Variants in HMCN2 observed in about 807,000 individuals in gnomAD.
The protein encoded by HMCN2 is hemicentin-2.
A neutral mutation model predicts 377.5 loss-of-function variants in HMCN2; 325 were observed. The ratio of observed to expected loss-of-function variants is 0.86; its 90% CI spans 0.79 to 0.94. The LOEUF (loss-of-function observed/expected upper bound fraction) is 0.94. Among genes scored for constraint, HMCN2 ranks in the 40% least tolerant of loss-of-function variants. The pLI is 0.00. For missense variants in HMCN2, 4,543 were observed against 4,725.3 expected, an observed-to-expected ratio of 0.96 and a Z score of 1.13; for synonymous variants, 2,007 against 2,046.8, an observed-to-expected ratio of 0.98 and a Z score of 0.53.
Position 130,429,676 on chromosome 9 carries a change from C to T in HMCN2, c.14317C>T (p.Pro4773Ser). 1 of 1,532,898 alleles carries T rather than the reference C, an allele frequency of 6.5e-7. No homozygotes were observed. The highest frequency in any genetic ancestry group is 8.8e-7 in the Non-Finnish European group (1 of 1,136,636). The allele number at this position is 1,532,898 out of a possible 1,614,324, so 95.0% of individuals were successfully genotyped here. Reference protein sequence around the residue: ...RGYRMQGPSLPCLDVNECLQL... With the variant: ...RGYRMQGPSLSCLDVNECLQL... Reference sequence around the variant, plus strand: ...TTACCGGATGCAGGGCCCCAGCCTGCCCTGCCTAGGTACGGGGACACCCAC... The same window carrying T: ...TTACCGGATGCAGGGCCCCAGCCTGTCCTGCCTAGGTACGGGGACACCCAC... The change falls in exon 94 of 98, where the codon CCC becomes TCC. Residue 4773 changes from proline (P) to serine (S), a missense_variant. This residue lies in a region of HMCN2 where 1,155 missense variants were observed against 1,157.7 expected (regional missense o/e 1.00). Transcript: ENST00000683500.
At chr9:130,399,916 C>T (rs543042291) in intron 76 of HMCN2, among the ~76,000 whole-genome samples, 1 of 152,278 alleles carries the variant, frequency 6.6e-6, no homozygotes, top group African/African-American at 2.4e-5. Context: ...ATCCCTCCCT[C>T]CACAGCTGCC....
chr9:130,357,843 C>T lies in HMCN2; in HGVS notation c.5435C>T (p.Ser1812Leu), dbSNP rs986486854. The T allele has an allele frequency of 1.5e-5, 20 of 1,302,574 alleles. No homozygotes were observed. The highest frequency in any genetic ancestry group is 2.0e-5 in the Non-Finnish European group (20 of 988,030). The allele number at this position is 1,302,574 out of a possible 1,614,324, so 80.7% of individuals were successfully genotyped here. A position where few individuals can be genotyped will look rare whatever the true frequency, so the allele number is the denominator to read the frequency against. The change falls in exon 35 of 98, where the codon TCG becomes TTG. Residue 1812 changes from serine (S) to leucine (L), a missense_variant. Coordinates refer to ENST00000683500, the MANE Select transcript of HMCN2 (RefSeq NM_001291815.2). ...EVEVSVHEFP[S>L]VSIIGGENIT... ...CTCTTTCCCTTCCCAGAGTTCCCAT[C>T]GGTCAGTATCATTGGGGGTGAGAAC...
Position 130,307,574 on chromosome 9 carries a change from G to T in HMCN2, c.2200+8G>T, listed in dbSNP as rs1554937322. 2.1e-6 allele frequency: 1 copy of T among 471,148 alleles called. No individual in the cohort carries two copies. The highest frequency in any genetic ancestry group is 2.0e-5 in the African/African-American group (1 of 50,188). 29.2% of individuals were successfully genotyped at this position (471,148 alleles called of 1,614,324 possible). A position where few individuals can be genotyped will look rare whatever the true frequency, so the allele number is the denominator to read the frequency against. ...GAGTCATCTGGTATCGAGGTGTGTTGGTGGGGAGGGGCCCTGAAGGAACAG... is the reference window on the plus strand; with the variant it reads ...GAGTCATCTGGTATCGAGGTGTGTTTGTGGGGAGGGGCCCTGAAGGAACAG... On this transcript the variant is annotated splice_region_variant and intron_variant, in intron 14 of 97. Transcript: ENST00000683500.
At chr9:130,411,598 CAAAAAAAAA>C (rs35719589) in intron 85 of HMCN2, among the ~76,000 whole-genome samples, 2 of 97,780 alleles carry the variant, frequency 2.0e-5, no homozygotes, top group Admixed American at 2.4e-4. Flanking sequence ...GACTCAATCT[CAAAAAAAAA>C]AAAAAAAAAA....
rs181606006 is a variant in HMCN2, at chr9:130,349,299, G to A, written c.4303+168G>A. Among the ~76,000 whole-genome samples the A allele has an allele frequency of 2.0e-5, 3 of 152,330 alleles. No homozygotes were observed. In the East Asian group the frequency reaches 5.8e-4, roughly 29 times the overall value. On this transcript the variant is annotated intron_variant, in intron 28 of 97. Transcript: ENST00000683500. ...CCTCACAGAGCTATCAGGCTTGGGG[G>A]ACAGACATCAGACAGGTGAATAGCA... is the stretch of plus-strand genomic sequence containing the variant.
chr9:130,429,571 C>T lies in HMCN2; in HGVS notation c.14212C>T (p.Leu4738=), dbSNP rs768106741. 1.1e-5 allele frequency: 17 copies of T among 1,550,350 alleles called. No homozygotes were observed. In the East Asian group the frequency reaches 2.4e-4, roughly 22 times the overall value. The change falls in exon 94 of 98, where the codon CTG becomes TTG. Residue 4738 remains leucine, a synonymous_variant. Transcript: ENST00000683500. ...GAGCEDVDEC[L]EGLDDCHYNQ... ...CTGCCTCCCAGATGTGGACGAATGCCTGGAGGGGTTGGACGACTGTCACTA... is the reference window on the plus strand; with the variant it reads ...CTGCCTCCCAGATGTGGACGAATGCTTGGAGGGGTTGGACGACTGTCACTA...
chr9:130,327,009 G>A (rs1838169024), intron 21 of HMCN2, among the ~76,000 whole-genome samples: 1 of 151,230 alleles, frequency 6.6e-6, no homozygotes, highest in Non-Finnish European at 1.5e-5. Context: ...GGGACAGCAG[G>A]ATGAAGAGAA....
At chr9:130,348,018 A>G (rs1388469729) in intron 26 of HMCN2, 3 of 985,250 alleles carry the variant, frequency 3.0e-6, no homozygotes, top group African/African-American at 1.7e-5. Flanking sequence ...AGAGGAAAGG[A>G]ACCCCTCCTT....
At position 130,406,185 on chromosome 9, in the gene HMCN2, C is replaced by T. The variant is rs1843084473; in HGVS notation, c.12553+17C>T. The T allele has an allele frequency of 2.3e-6, 3 of 1,289,338 alleles. No individual in the cohort carries two copies. The highest frequency in any genetic ancestry group is 2.5e-5 in the South Asian group (2 of 81,002). The allele number at this position is 1,289,338 out of a possible 1,614,324, so 79.9% of individuals were successfully genotyped here. On this transcript the variant is annotated intron_variant, in intron 82 of 97. Coordinates refer to ENST00000683500, the MANE Select transcript of HMCN2 (RefSeq NM_001291815.2). Reference sequence around the variant, plus strand: ...CAGTCACAGGTCTGGGTCTGCTGGGCATGGGTGGGACAGAGAGCCAGGACA... The same window carrying T: ...CAGTCACAGGTCTGGGTCTGCTGGGTATGGGTGGGACAGAGAGCCAGGACA...
chr9:130,382,983 C>A, intron 56 of HMCN2, 117 bp downstream of exon 56: 3 of 587,828 alleles, frequency 5.1e-6, no homozygotes, highest in Non-Finnish European at 4.3e-6. Context: ...GGGAACCATG[C>A]TGGAGCCCAG....
intron 11 of HMCN2, 49 bp from the exon 12 acceptor site, chr9:130,306,080 C>T (rs782633267): frequency 3.4e-5 from 16 of 464,974 alleles, no homozygotes; most frequent in Admixed American, 2.4e-4. Flanking sequence ...TGGGATGGCA[C>T]GGCTGCTCTG....
rs374180673 is a variant in HMCN2 at position 130,349,996 on chromosome 9, T to C, written c.4430+333T>C. 4.8e-4 allele frequency among the ~76,000 whole-genome samples: 67 copies of C among 140,690 alleles called. 1 individual carries two copies. The East Asian group carries it at 6.4e-3, about 13-fold the overall frequency. The allele number at this position is 140,690 out of a possible 152,430, so 92.3% of individuals were successfully genotyped here. A position where few individuals can be genotyped will look rare whatever the true frequency, so the allele number is the denominator to read the frequency against. The stretch of plus-strand genomic sequence containing the variant: ...CACTGCAGCCTCAAACTCCTGGGCT[T>C]CTTGGGCTCAAGAGATCATCCCACT... On this transcript the variant is annotated intron_variant, in intron 29 of 97. Transcript: ENST00000683500.
Position 130,308,317 on chromosome 9 carries a change from T to C in HMCN2, c.2200+751T>C, listed in dbSNP as rs1837008015. ...GTGCTGTGCTTGGCATTCTTAGTGA[T>C]AGTGCCGACGATAATGTGATTATCT... On this transcript the variant is annotated intron_variant, in intron 14 of 97. Transcript: ENST00000683500. The surrounding 1 kb of genome is among the most constrained non-coding windows in gnomAD (Gnocchi z 4.1). Among the ~76,000 whole-genome samples the C allele has an allele frequency of 6.6e-6, 1 of 152,220 alleles. No homozygotes were observed. Among genetic ancestry groups the C allele is most frequent in the African/African-American group, 2.4e-5 (1 of 41,446 alleles).
At position 130,398,757 on chromosome 9, in the gene HMCN2, G is replaced by T. The variant is rs547104785; in HGVS notation, c.11483+50G>T. The T allele has an allele frequency of 7.1e-6, 9 of 1,267,226 alleles. No homozygotes were observed. The African/African-American group carries it at 1.1e-4, about 15-fold the overall frequency. 78.5% of individuals were successfully genotyped at this position (1,267,226 alleles called of 1,614,324 possible). On this transcript the variant is annotated intron_variant, in intron 75 of 97. Transcript: ENST00000683500. ...CTTCCTGAGACGCACAGGGCGGGGAGGCACTCTCTTCTCACGGGGGCATGG... is the reference window on the plus strand; with the variant it reads ...CTTCCTGAGACGCACAGGGCGGGGATGCACTCTCTTCTCACGGGGGCATGG...
In HMCN2 at chr9:130,425,794, C is replaced by A. The variant is rs1317741104; in HGVS notation, c.13749C>A (p.Ser4583Arg). 1 of 1,550,682 alleles carries A rather than the reference C, an allele frequency of 6.4e-7. No homozygotes were observed. The part of the protein sequence containing the change: ...GLPSFLRCNH[S>R]IQYNAARGPQ... ...CCTCGTTCCTACGCTGCAACCACAG[C>A]ATCCAGTACAACGCGGCCCGGGGCC... The change falls in exon 90 of 98, where the codon AGC (serine) becomes AGA (arginine). Residue 4583 changes from serine to arginine, a missense_variant. Coordinates refer to ENST00000683500, the MANE Select transcript of HMCN2 (RefSeq NM_001291815.2).
At chr9:130,287,607 G>A (rs1175686374) in intron 4 of HMCN2, among the ~76,000 whole-genome samples, 1 of 147,612 alleles carries the variant, frequency 6.8e-6, no homozygotes, top group Non-Finnish European at 1.5e-5. Context: ...GCCCCTCCCA[G>A]CTCCCTGTGC....
chr9:130,399,378 A>G (rs956318691), intron 75 of HMCN2, 133 bp from the exon 76 acceptor site: 24 of 1,070,100 alleles, frequency 2.2e-5, no homozygotes, highest in Non-Finnish European at 2.5e-5. Context: ...AAACTTCTAG[A>G]AGACATTTCT....
chr9:130,398,896 G>T (rs1173606126), intron 75 of HMCN2, among the ~76,000 whole-genome samples, 189 bp downstream of exon 75: 1 of 152,116 alleles, frequency 6.6e-6, no homozygotes, highest in African/African-American at 2.4e-5. Context: ...GGGCACTGGG[G>T]ATATACAGCT....
At chr9:130,337,010 C>T (rs967977512) in intron 22 of HMCN2, among the ~76,000 whole-genome samples, 4 of 152,140 alleles carry the variant, frequency 2.6e-5, no homozygotes, top group African/African-American at 7.2e-5. Flanking sequence ...GCAGGGCCAG[C>T]GACTGGGCCT....
Sources: allele counts gnomAD v4.1 joint callset (sites outside exome capture counted in the v4.1 genomes callset), GRCh38; gene constraint gnomAD v4.1.1; regional missense constraint gnomAD v4.1.1; non-coding constraint Gnocchi (gnomAD v3.1); transcripts MANE v1.5; gene names NCBI Gene and HGNC (gene_info 2026-07-23, HGNC 2026-07-21).